The following TSHZ2 variants were observed in gnomAD, a reference collection of about 807,000 sequenced individuals.
TSHZ2 encodes teashirt homolog 2.
Under a neutral mutation model 74.4 loss-of-function variants are expected in TSHZ2, and 21 were observed. That is an observed-to-expected ratio of 0.28 (90% CI 0.20 to 0.41). The LOEUF (loss-of-function observed/expected upper bound fraction) is 0.41, where lower values mean the gene tolerates loss of function less well. TSHZ2 is among the 10% of genes least tolerant of loss of function. The pLI, the probability that TSHZ2 is intolerant of heterozygous loss-of-function variation, is 1.00. For missense variants in TSHZ2, 1,244 were observed against 1,293.5 expected (o/e 0.96, Z 0.59); for synonymous variants, 540 against 515.3 (o/e 1.05, Z -0.65).
chr20:52,975,273 C>T (rs1286713907), intron 1 of TSHZ2, among the ~76,000 whole-genome samples: 2 of 151,734 alleles, frequency 1.3e-5, no homozygotes, highest in Non-Finnish European at 2.9e-5. Flanking sequence ...CTGGTTGTTC[C>T]GGTAAAGACT....
At chr20:52,988,742 A>G (rs1005809976) in intron 1 of TSHZ2, among the ~76,000 whole-genome samples, 5 of 152,212 alleles carry the variant, frequency 3.3e-5, no homozygotes, top group Non-Finnish European at 7.3e-5. Flanking sequence ...TTCACTAAAC[A>G]AAAGTAGAAA....
chr20:53,375,968 C>T (rs989284227), intron 2 of TSHZ2, among the ~76,000 whole-genome samples: 1 of 152,178 alleles, frequency 6.6e-6, no homozygotes, highest in Non-Finnish European at 1.5e-5. Context: ...AATACATAAA[C>T]ATTTGCCAAT....
chr20:53,345,210 G>A (rs1980389381), intron 2 of TSHZ2, among the ~76,000 whole-genome samples: 2 of 152,164 alleles, frequency 1.3e-5, no homozygotes, highest in African/African-American at 4.8e-5. Context: ...TATGGAGCAG[G>A]GCAGAGAGGC....
chr20:53,465,334 G>T (rs370551661), intron 2 of TSHZ2, among the ~76,000 whole-genome samples: 1 of 152,046 alleles, frequency 6.6e-6, no homozygotes, highest in Non-Finnish European at 1.5e-5. Flanking sequence ...GCAATGGCGC[G>T]ATCTTGGCTC....
chr20:53,203,188 C>A (rs1433885359), intron 1 of TSHZ2, among the ~76,000 whole-genome samples: 2 of 141,670 alleles, frequency 1.4e-5, no homozygotes, highest in Non-Finnish European at 3.0e-5. Flanking sequence ...TGAGCAGACT[C>A]AAATTTTTTT....
intron 1 of TSHZ2, among the ~76,000 whole-genome samples, chr20:53,001,336 A>G (rs746423090): frequency 5.9e-5 from 9 of 151,936 alleles, no homozygotes; most frequent in Non-Finnish European, 1.0e-4. Flanking sequence ...CAGCTCTGAG[A>G]CAAACAGGAA....
Position 53,003,495 on chromosome 20 carries a change from G to T in TSHZ2, c.40+30162G>T, listed in dbSNP as rs1457028289. On this transcript the variant is annotated intron_variant, in intron 1 of 2. Coordinates refer to ENST00000371497, the MANE Select transcript of TSHZ2 (RefSeq NM_173485.6). ...TTCAAACTGGCACGCCTGTAATCTGGTAAAATGTGTCAGCCCTATGGAGAA... is the reference window on the plus strand; with the variant it reads ...TTCAAACTGGCACGCCTGTAATCTGTTAAAATGTGTCAGCCCTATGGAGAA... Among the ~76,000 whole-genome samples the T allele has an allele frequency of 2.0e-5, 3 of 152,118 alleles. No homozygotes were observed. In the South Asian group the frequency reaches 6.2e-4, roughly 32 times the overall value.
At chr20:53,271,129 T>A (rs1990827892) in intron 2 of TSHZ2, among the ~76,000 whole-genome samples, 1 of 152,086 alleles carries the variant, frequency 6.6e-6, no homozygotes, top group Non-Finnish European at 1.5e-5. Flanking sequence ...TGATATGCAG[T>A]CTCCAGAGAC....
chr20:53,012,885 C>A lies in TSHZ2; in HGVS notation c.40+39552C>A, dbSNP rs1474789438. On this transcript the variant is annotated intron_variant, in intron 1 of 2. Transcript: ENST00000371497. ...AACAGTGGATCCCACTCTAAAATTT[C>A]AAAAAAACGACCAAATGCTGGGGAA... 3.3e-5 allele frequency among the ~76,000 whole-genome samples: 5 copies of A among 152,068 alleles called. No individual in the cohort carries two copies. The East Asian group carries it at 9.7e-4, about 29-fold the overall frequency.
At chr20:53,031,672 C>G (rs1983643766) in intron 1 of TSHZ2, among the ~76,000 whole-genome samples, 1 of 152,168 alleles carries the variant, frequency 6.6e-6, no homozygotes, top group Non-Finnish European at 1.5e-5. Flanking sequence ...GGGTATGATC[C>G]TCAACAGCAG....
intron 2 of TSHZ2, among the ~76,000 whole-genome samples, chr20:53,435,809 G>A (rs1337925330): frequency 3.3e-5 from 5 of 152,180 alleles, no homozygotes; most frequent in Non-Finnish European, 4.4e-5. Context: ...CACCACACCT[G>A]GCTGTAAGAA....
chr20:53,207,858 CTTTTTTT>C (rs58457116), intron 1 of TSHZ2, among the ~76,000 whole-genome samples: 53 of 96,668 alleles, frequency 5.5e-4, no homozygotes, highest in Middle Eastern at 9.3e-3. Flanking sequence ...CATTGTTTTA[CTTTTTTT>C]TTTTTTTTTT....
intron 1 of TSHZ2, among the ~76,000 whole-genome samples, chr20:52,992,626 A>G (rs1334120164): frequency 1.3e-5 from 2 of 152,226 alleles, no homozygotes; most frequent in Non-Finnish European, 2.9e-5. Context: ...TTCATAATCC[A>G]GGTACAGGAA....
intron 2 of TSHZ2, among the ~76,000 whole-genome samples, chr20:53,377,979 A>T (rs1363972578): frequency 6.6e-6 from 1 of 152,164 alleles, no homozygotes. Flanking sequence ...GGGAAATGTG[A>T]AGACAAAATA....
intron 2 of TSHZ2, among the ~76,000 whole-genome samples, chr20:53,388,279 G>A (rs1002305005): frequency 6.6e-6 from 1 of 152,208 alleles, no homozygotes; most frequent in African/African-American, 2.4e-5. Flanking sequence ...GGAGGACACT[G>A]AAGATACTGT....
chr20:53,077,581 TAGAA>T (rs201525117), intron 1 of TSHZ2, among the ~76,000 whole-genome samples: 2,056 of 152,082 alleles, frequency 0.014, 57 homozygotes, highest in African/African-American at 0.047. Flanking sequence ...GATCCAGAGA[TAGAA>T]AGGCAAACAG....
In TSHZ2 at chr20:53,125,525, A is replaced by G. The variant is rs568581686; in HGVS notation, c.41-127974A>G. Reference sequence around the variant, plus strand: ...GCTGTATTACTATTATTGAATAATCATGAATTGAGCCCAAATGGCCTGGCT... The same window carrying G: ...GCTGTATTACTATTATTGAATAATCGTGAATTGAGCCCAAATGGCCTGGCT... On this transcript the variant is annotated intron_variant, in intron 1 of 2. Transcript: ENST00000371497. Among the ~76,000 whole-genome samples the G allele has an allele frequency of 2.0e-5, 3 of 152,280 alleles. No individual in the cohort carries two copies. In the South Asian group the frequency reaches 6.2e-4, roughly 32 times the overall value.
intron 2 of TSHZ2, among the ~76,000 whole-genome samples, chr20:53,314,219 C>T (rs1482837169): frequency 1.3e-5 from 2 of 149,922 alleles, no homozygotes; most frequent in Non-Finnish European, 3.0e-5. Context: ...ACCTGGGAGG[C>T]GGTGGTTGCA....
chr20:53,293,573 A>G (rs1481557563), intron 2 of TSHZ2, among the ~76,000 whole-genome samples: 5 of 152,094 alleles, frequency 3.3e-5, no homozygotes, highest in Non-Finnish European at 5.9e-5. Context: ...TCCAGAGGGC[A>G]TGGACACTTT....
Sources: gnomAD v4.1 joint callset for allele counts (sites outside exome capture counted in the v4.1 genomes callset) on GRCh38, gnomAD v4.1.1 for gene constraint, MANE v1.5 for transcripts, NCBI Gene and HGNC (gene_info 2026-07-23, HGNC 2026-07-21) for gene names.